Variants in UNC5B observed in about 807,000 individuals in gnomAD.
UNC5B encodes netrin receptor UNC5B.
In UNC5B, 56 loss-of-function variants were observed where a neutral mutation model predicts 103.7. The observed-to-expected ratio is 0.54, with a 90% confidence interval of 0.44 to 0.67. The LOEUF (loss-of-function observed/expected upper bound fraction) is 0.67. UNC5B is among the 30% of genes least tolerant of loss of function. The pLI, the probability that UNC5B is intolerant of heterozygous loss-of-function variation, is 0.00. For missense variants in UNC5B, 1,194 were observed against 1,284.5 expected, an observed-to-expected ratio of 0.93 and a Z score of 1.08; for synonymous variants, 577 against 542.0, an observed-to-expected ratio of 1.06 and a Z score of -0.90.
At chr10:71,268,679 T>A (rs1450512553) in intron 1 of UNC5B, among the ~76,000 whole-genome samples, 1 of 152,204 alleles carries the variant, frequency 6.6e-6, no homozygotes, top group East Asian at 1.9e-4. Flanking sequence ...AGCGTGGCGC[T>A]GAGGGAGACG....
At chr10:71,226,897 T>G (rs574361515) in intron 1 of UNC5B, among the ~76,000 whole-genome samples, 6 of 152,008 alleles carry the variant, frequency 3.9e-5, no homozygotes, top group Non-Finnish European at 7.3e-5. Flanking sequence ...TAGATAGATA[T>G]ATATACCATG....
intron 1 of UNC5B, among the ~76,000 whole-genome samples, chr10:71,241,726 A>G (rs1843906533): frequency 6.6e-6 from 1 of 152,078 alleles, no homozygotes; most frequent in Non-Finnish European, 1.5e-5. Context: ...GGAACTGGAA[A>G]GAGCCTCCCA....
At chr10:71,225,751 C>T (rs745783607) in intron 1 of UNC5B, among the ~76,000 whole-genome samples, 37 of 152,198 alleles carry the variant, frequency 2.4e-4, no homozygotes, top group Non-Finnish European at 4.1e-4. Context: ...GAGTTGCTCC[C>T]ACACTGTTCA....
At chr10:71,222,519 C>T (rs1158693141) in intron 1 of UNC5B, among the ~76,000 whole-genome samples, 2 of 36,064 alleles carry the variant, frequency 5.5e-5, no homozygotes, top group African/African-American at 8.4e-5. Context: ...TCCTGCCCCT[C>T]CTCCACCCCC....
intron 1 of UNC5B, among the ~76,000 whole-genome samples, chr10:71,229,036 T>G (rs1214188890): frequency 6.6e-6 from 1 of 152,156 alleles, no homozygotes; most frequent in Non-Finnish European, 1.5e-5. Context: ...GAGTGCTGGA[T>G]GCTCTGGAGT....
At chr10:71,240,696 G>A (rs577973320) in intron 1 of UNC5B, among the ~76,000 whole-genome samples, 4 of 152,348 alleles carry the variant, frequency 2.6e-5, no homozygotes, top group Admixed American at 6.5e-5. Context: ...TCCACTACTC[G>A]GTCTCATTTC....
intron 1 of UNC5B, among the ~76,000 whole-genome samples, chr10:71,230,729 C>T (rs1051296014): frequency 6.6e-6 from 1 of 152,240 alleles, no homozygotes; most frequent in African/African-American, 2.4e-5. Flanking sequence ...TATCTGGCAC[C>T]ATTCTGTCTG....
intron 1 of UNC5B, among the ~76,000 whole-genome samples, chr10:71,228,214 G>A (rs1843612800): frequency 6.6e-6 from 1 of 152,138 alleles, no homozygotes; most frequent in African/African-American, 2.4e-5. Flanking sequence ...AACTCCAAGT[G>A]GATTTGGGAT....
At position 71,213,849 on chromosome 10, in the gene UNC5B, G is replaced by A. The variant is rs1843281881; in HGVS notation, c.79+785G>A. On this transcript the variant is annotated intron_variant, in intron 1 of 16. Transcript: ENST00000335350. The surrounding 1 kb of genome is among the most constrained non-coding windows in gnomAD (Gnocchi z 4.1). ...TTCTCGCTGTCCGGGGAACAGACTA[G>A]GTGCGCTCTCCTTGGTACAGCGCCC... is the stretch of plus-strand genomic sequence containing the variant. Among the ~76,000 whole-genome samples the A allele has an allele frequency of 6.6e-6, 1 of 151,054 alleles. No individual in the cohort carries two copies. The highest frequency in any genetic ancestry group is 2.1e-4 in the South Asian group (1 of 4,764).
intron 1 of UNC5B, among the ~76,000 whole-genome samples, chr10:71,227,386 A>G (rs1328259342): frequency 3.3e-5 from 5 of 152,018 alleles, no homozygotes; most frequent in Non-Finnish European, 7.3e-5. Flanking sequence ...CAAAAGCATA[A>G]GAATGATATA....
chr10:71,289,185 A>C (rs1845180898), intron 8 of UNC5B, among the ~76,000 whole-genome samples, 195 bp downstream of exon 8: 1 of 152,186 alleles, frequency 6.6e-6, no homozygotes. Context: ...TGGCTGACAG[A>C]AAAGAAAGGC....
chr10:71,274,375 A>AAAAT (rs1844718749), intron 1 of UNC5B, among the ~76,000 whole-genome samples: 1 of 152,070 alleles, frequency 6.6e-6, no homozygotes, highest in South Asian at 2.1e-4. Context: ...AAAAAAAAAT[A>AAAAT]AAATAAAATA....
At chr10:71,270,237 A>G (rs568323327) in intron 1 of UNC5B, among the ~76,000 whole-genome samples, 4 of 151,932 alleles carry the variant, frequency 2.6e-5, no homozygotes, top group African/African-American at 9.7e-5. Flanking sequence ...GTAATCTCAG[A>G]TACTTGGGAG....
At chr10:71,230,758 T>C (rs1052787472) in intron 1 of UNC5B, among the ~76,000 whole-genome samples, 1 of 152,242 alleles carries the variant, frequency 6.6e-6, no homozygotes, top group African/African-American at 2.4e-5. Flanking sequence ...TGGGTTTCCT[T>C]GTGTGGGAGG....
Position 71,286,995 on chromosome 10 carries a change from G to A in UNC5B, c.733+126G>A, listed in dbSNP as rs149124826. 256 of 1,319,828 alleles carry A rather than the reference G, an allele frequency of 1.9e-4. 1 individual carries two copies. The East Asian group carries it at 5.9e-3, about 30-fold the overall frequency. 81.8% of individuals were successfully genotyped at this position (1,319,828 alleles called of 1,614,324 possible). A position where few individuals can be genotyped will look rare whatever the true frequency, so the allele number is the denominator to read the frequency against. ...CAGAGAGGGGAAGTGAATTGACCAAGATCACAACACAGCAGAATTCATGGC... is the reference window on the plus strand; with the variant it reads ...CAGAGAGGGGAAGTGAATTGACCAAAATCACAACACAGCAGAATTCATGGC... On this transcript the variant is annotated intron_variant, in intron 5 of 16. Transcript: ENST00000335350.
At chr10:71,247,722 T>C (rs534542158) in intron 1 of UNC5B, among the ~76,000 whole-genome samples, 27 of 152,286 alleles carry the variant, frequency 1.8e-4, no homozygotes, top group African/African-American at 6.5e-4. Context: ...TTTGCATGGT[T>C]GGGAGTTCTG....
intron 1 of UNC5B, among the ~76,000 whole-genome samples, chr10:71,254,583 G>A (rs983611454): frequency 6.6e-6 from 1 of 152,218 alleles, no homozygotes; most frequent in South Asian, 2.1e-4. Context: ...GGAGAGGCTG[G>A]GTTGGGGGGA....
At chr10:71,289,068 G>A in intron 8 of UNC5B, 78 bp downstream of exon 8, 1 of 1,605,364 alleles carries the variant, frequency 6.2e-7, no homozygotes, top group South Asian at 1.1e-5. Flanking sequence ...CCGGGATCAG[G>A]GTGCAGGGCA....
At chr10:71,265,243 G>A (rs898675701) in intron 1 of UNC5B, among the ~76,000 whole-genome samples, 7 of 152,192 alleles carry the variant, frequency 4.6e-5, no homozygotes, top group Middle Eastern at 3.2e-3. Context: ...GCACTGAAGA[G>A]GTACTAAAGG....
Sources: allele counts gnomAD v4.1 joint callset (sites outside exome capture counted in the v4.1 genomes callset), GRCh38; gene constraint gnomAD v4.1.1; non-coding constraint Gnocchi (gnomAD v3.1); transcripts MANE v1.5; gene names NCBI Gene and HGNC (gene_info 2026-07-23, HGNC 2026-07-21).